The following CNKSR1 variants were observed in gnomAD, a reference collection of about 807,000 sequenced individuals.
The protein encoded by CNKSR1 is connector enhancer of kinase suppressor of Ras 1.
Under a neutral mutation model 95.6 loss-of-function variants are expected in CNKSR1, and 88 were observed. The ratio of observed to expected loss-of-function variants is 0.92; its 90% confidence interval spans 0.78 to 1.10. CNKSR1 has a LOEUF of 1.10. CNKSR1 is among the 50% of genes least tolerant of loss of function. The pLI, the probability that CNKSR1 is intolerant of heterozygous loss-of-function variation, is 0.00. For missense variants in CNKSR1, 836 were observed against 912.0 expected (o/e 0.92, Z 1.07); for synonymous variants, 355 against 369.7 (o/e 0.96, Z 0.46).
At chr1:26,187,625 T>A in intron 16 of CNKSR1, 143 bp downstream of exon 16, 1 of 664,438 alleles carries the variant, frequency 1.5e-6, no homozygotes. Context: ...TTTCTCTTTT[T>A]TTTTTTTTTT....
In CNKSR1 at chr1:26,185,052, C is replaced by G; in HGVS notation, c.1174C>G (p.Arg392Gly). 6.2e-7 allele frequency: 1 copy of G among 1,604,168 alleles called. No individual in the cohort carries two copies. Among genetic ancestry groups the G allele is most frequent in the Non-Finnish European group, 8.5e-7 (1 of 1,178,502 alleles). The change falls in exon 14 of 21, where the codon CGT becomes GGT. Residue 392 changes from arginine to glycine, a missense_variant. Physicochemically the swap from Arg to Gly is moderately radical, Grantham distance 125 (BLOSUM62 -2). Transcript: ENST00000361530. ...GCTGAGCCGCCGGCGGGTGTCATGC[C>G]GTGAGCTGGGCCGGCCGGACTGTGA... ...TRLSRRRVSCRELGRPDCDGW... is the reference protein window; with the variant it reads ...TRLSRRRVSCGELGRPDCDGW...
chr1:26,185,298 A>G, intron 14 of CNKSR1, 112 bp downstream of exon 14: 1 of 1,150,824 alleles, frequency 8.7e-7, no homozygotes, highest in East Asian at 2.6e-5. Context: ...TGATGTCCCC[A>G]TCTGTAAAAT....
intron 3 of CNKSR1, chr1:26,181,475 C>T (rs2088647011): frequency 3.8e-6 from 1 of 262,840 alleles, no homozygotes; most frequent in Non-Finnish European, 7.4e-6. Flanking sequence ...GACCCCACCT[C>T]AAATGTCATC....
At position 26,183,187 on chromosome 1, in the gene CNKSR1, G is replaced by T; in HGVS notation, c.625-10G>T. 1 of 1,613,928 alleles carries T rather than the reference G, an allele frequency of 6.2e-7. No individual in the cohort carries two copies. The highest frequency in any genetic ancestry group is 8.5e-7 in the Non-Finnish European group (1 of 1,179,934). On this transcript the variant is annotated splice_polypyrimidine_tract_variant and intron_variant, in intron 6 of 20. Transcript: ENST00000361530. ...CCAGCCCCCGGTGACTATAGCCTCT[G>T]CCTCTGCAGGGCCTAGAAATTCACA...
intron 7 of CNKSR1, 22 bp from the exon 8 acceptor site, chr1:26,183,324 C>A: frequency 6.2e-7 from 1 of 1,614,222 alleles, no homozygotes; most frequent in Non-Finnish European, 8.5e-7. Flanking sequence ...AGGCCAACCT[C>A]AGGCCCCATT....
At chr1:26,182,051 C>A (rs138871245) in intron 4 of CNKSR1, 110 bp downstream of exon 4, 2 of 1,098,096 alleles carry the variant, frequency 1.8e-6, no homozygotes, top group African/African-American at 1.5e-5. Context: ...TTGAGACGGG[C>A]GAGAAAGGAG....
At chr1:26,181,361 C>G (rs1294947510) in intron 3 of CNKSR1, among the ~76,000 whole-genome samples, 1 of 151,530 alleles carries the variant, frequency 6.6e-6, no homozygotes, top group Admixed American at 6.6e-5. Context: ...ACTGGGATGC[C>G]AGAGTTCCCA....
At chr1:26,187,102 T>G in intron 14 of CNKSR1, 66 bp from the exon 15 acceptor site, 1 of 1,260,378 alleles carries the variant, frequency 7.9e-7, no homozygotes, top group South Asian at 1.2e-5. Context: ...GAGGGGTAAC[T>G]AGGAGCTGAC....
intron 4 of CNKSR1, 80 bp downstream of exon 4, chr1:26,182,021 C>A: frequency 1.5e-6 from 2 of 1,301,816 alleles, no homozygotes; most frequent in Non-Finnish European, 2.2e-6. Flanking sequence ...TGTGAATCAG[C>A]CCAGGATCGA....
chr1:26,187,040 T>C, intron 14 of CNKSR1, 128 bp from the exon 15 acceptor site: 1 of 745,660 alleles, frequency 1.3e-6, no homozygotes, highest in Non-Finnish European at 2.4e-6. Flanking sequence ...ACAGAGAGAC[T>C]TGTTAGAGAG....
Position 26,182,420 on chromosome 1 carries a change from G to A in CNKSR1, c.519+18G>A, listed in dbSNP as rs1333620983. ...TGAGGATCGTGAGTCTGTGGGGTGGGAAGAGAGTGGGGGTAGGGGCGATCG... is the reference window on the plus strand; with the variant it reads ...TGAGGATCGTGAGTCTGTGGGGTGGAAAGAGAGTGGGGGTAGGGGCGATCG... On this transcript the variant is annotated intron_variant, in intron 5 of 20. Coordinates refer to ENST00000361530, the MANE Select transcript of CNKSR1 (RefSeq NM_006314.3). The A allele has an allele frequency of 6.2e-7, 1 of 1,613,886 alleles. No homozygotes were observed. The highest frequency in any genetic ancestry group is 8.5e-7 in the Non-Finnish European group (1 of 1,179,936).
At chr1:26,183,659 G>A (rs2088684797) in intron 8 of CNKSR1, 70 bp from the exon 9 acceptor site, 2 of 1,207,022 alleles carry the variant, frequency 1.7e-6, no homozygotes, top group Admixed American at 1.7e-5. Context: ...CCCAGCACGA[G>A]GGTGAGAGTT....
chr1:26,182,637 G>C, intron 6 of CNKSR1, 53 bp downstream of exon 6: 4 of 1,496,874 alleles, frequency 2.7e-6, no homozygotes, highest in Non-Finnish European at 3.7e-6. Context: ...GCCTTGTCTG[G>C]GCCCTGAAAT....
At position 26,182,600 on chromosome 1, in the gene CNKSR1, C is replaced by T; in HGVS notation, c.624+16C>T. The T allele has an allele frequency of 1.2e-6, 2 of 1,603,418 alleles. No individual in the cohort carries two copies. The highest frequency in any genetic ancestry group is 4.5e-5 in the East Asian group (2 of 44,684). Reference sequence around the variant, plus strand: ...CAGTCCATTGGTGAGCCCTGCCCTCCCACCTCTCACTTCTGACCCCTTGGC... The same window carrying T: ...CAGTCCATTGGTGAGCCCTGCCCTCTCACCTCTCACTTCTGACCCCTTGGC... On this transcript the variant is annotated intron_variant, in intron 6 of 20. Coordinates refer to ENST00000361530, the MANE Select transcript of CNKSR1 (RefSeq NM_006314.3).
At position 26,182,402 on chromosome 1, in the gene CNKSR1, C is replaced by G; in HGVS notation, c.519C>G (p.Ile173Met). ...AGAAGGAGGGCACAGTCCTGAGGAT[C>G]GTGAGTCTGTGGGGTGGGAAGAGAG... ...AAEKEGTVLR[I>M]CSHVAGICHN... Residue 173 changes from isoleucine (I) to methionine (M), a missense_variant and splice_region_variant, in exon 5 of 21, where the codon ATC becomes ATG. Coordinates refer to ENST00000361530, the MANE Select transcript of CNKSR1 (RefSeq NM_006314.3). 6.2e-7 allele frequency: 1 copy of G among 1,613,876 alleles called. No homozygotes were observed.
rs76603464 is a variant in CNKSR1, at chr1:26,179,832, C to T, written c.53-621C>T. 4.7e-3 allele frequency among the ~76,000 whole-genome samples: 714 copies of T among 152,300 alleles called. 8 individuals carry two copies. The highest frequency in any genetic ancestry group is 0.016 in the African/African-American group (682 of 41,562). ...AAACTTAAGGGAGCATCACAGTCACCTGCATTAAAATACAAACTGCTGGCT... is the reference window on the plus strand; with the variant it reads ...AAACTTAAGGGAGCATCACAGTCACTTGCATTAAAATACAAACTGCTGGCT... On this transcript the variant is annotated intron_variant, in intron 1 of 20. Transcript: ENST00000361530.
In CNKSR1 at chr1:26,183,220, C is replaced by T; in HGVS notation, c.648C>T (p.Ser216=). 2.5e-6 allele frequency: 4 copies of T among 1,614,036 alleles called. No homozygotes were observed. Among genetic ancestry groups the T allele is most frequent in the Non-Finnish European group, 2.5e-6 (3 of 1,180,028 alleles). Reference sequence around the variant, plus strand: ...AGGGCCTAGAAATTCACACCACCAGCAATTGCCAGCACTTTGTGTCCCAAG... The same window carrying T: ...AGGGCCTAGAAATTCACACCACCAGTAATTGCCAGCACTTTGTGTCCCAAG... The part of the protein sequence containing the change: ...SPLGLEIHTT[S]NCQHFVSQVD... The change falls in exon 7 of 21, where the codon AGC becomes AGT. Residue 216 remains serine (S), a synonymous_variant. Coordinates refer to ENST00000361530, the MANE Select transcript of CNKSR1 (RefSeq NM_006314.3).
chr1:26,181,851 T>A lies in CNKSR1; in HGVS notation c.393-6T>A. ...CTTAACCACTGTGCTATTCTTCCCCTGCCAGGTACCTCTTCTCCCACTTAA... is the reference window on the plus strand; with the variant it reads ...CTTAACCACTGTGCTATTCTTCCCCAGCCAGGTACCTCTTCTCCCACTTAA... On this transcript the variant is annotated splice_region_variant and splice_polypyrimidine_tract_variant and intron_variant, in intron 3 of 20. Transcript: ENST00000361530. 1 of 1,614,052 alleles carries A rather than the reference T, an allele frequency of 6.2e-7. No individual in the cohort carries two copies. The highest frequency in any genetic ancestry group is 8.5e-7 in the Non-Finnish European group (1 of 1,179,924).
intron 3 of CNKSR1, chr1:26,181,647 G>A: frequency 1.7e-6 from 1 of 596,286 alleles, no homozygotes; most frequent in South Asian, 1.9e-5. Context: ...TTTCCCCAGT[G>A]CCTAGAACAG....
Sources: allele counts gnomAD v4.1 joint callset (sites outside exome capture counted in the v4.1 genomes callset), GRCh38; gene constraint gnomAD v4.1.1; transcripts MANE v1.5; gene names NCBI Gene and HGNC (gene_info 2026-07-23, HGNC 2026-07-21).